The following PAPPA variants were observed in gnomAD, a reference collection of about 807,000 sequenced individuals.
The protein encoded by PAPPA is pappalysin-1.
In PAPPA, 60 loss-of-function variants were observed where a neutral mutation model predicts 164.0. The observed-to-expected ratio is 0.37, with a 90% CI of 0.30 to 0.45. The LOEUF is 0.45. PAPPA is among the 20% of genes least tolerant of loss of function. The pLI is 1.00. For synonymous variants in PAPPA, 875 were observed against 814.1 expected, an observed-to-expected ratio of 1.07 and a Z score of -1.27; for missense variants, 1,782 against 2,087.3, an observed-to-expected ratio of 0.85 and a Z score of 2.85.
chr9:116,226,275 G>GA (rs1844506502), intron 5 of PAPPA, among the ~76,000 whole-genome samples: 1 of 152,176 alleles, frequency 6.6e-6, no homozygotes, highest in Admixed American at 6.5e-5. Flanking sequence ...GAGGTTTGGG[G>GA]ATGATCTACT....
At chr9:116,238,578 A>T (rs1437937349) in intron 7 of PAPPA, among the ~76,000 whole-genome samples, 1 of 152,210 alleles carries the variant, frequency 6.6e-6, no homozygotes, top group Non-Finnish European at 1.5e-5. Flanking sequence ...ACTTTGTAAA[A>T]GTGCCACGTA....
At chr9:116,159,656 G>A (rs550187902) in intron 1 of PAPPA, among the ~76,000 whole-genome samples, 3 of 152,180 alleles carry the variant, frequency 2.0e-5, no homozygotes, top group Non-Finnish European at 4.4e-5. Flanking sequence ...TTCCCCAGGT[G>A]CTCCTCAAAC....
chr9:116,287,224 A>G (rs1444648254), intron 9 of PAPPA: 1 of 152,272 alleles, frequency 6.6e-6, no homozygotes, highest in African/African-American at 2.4e-5. Flanking sequence ...CACAATGCCC[A>G]GCATGGAGAA....
rs1376712527 is a variant in PAPPA at position 116,367,646 on chromosome 9, G to C, written c.4497G>C (p.Gly1499=). 6.2e-7 allele frequency: 1 copy of C among 1,612,732 alleles called. No homozygotes were observed. Among genetic ancestry groups the C allele is most frequent in the Admixed American group, 1.7e-5 (1 of 59,974 alleles). ...CGCCTCATGCTGTACTTCCCTCAGGGTCGGAGTGTGCCACCTCGTGCCTGG... is the reference window on the plus strand; with the variant it reads ...CGCCTCATGCTGTACTTCCCTCAGGCTCGGAGTGTGCCACCTCGTGCCTGG... ...KLQCPDGYAI[G]SECATSCLDH... is the part of the protein sequence containing the mutation. Residue 1499 remains glycine (G), a splice_region_variant and synonymous_variant, in exon 19 of 22, where the codon GGG becomes GGC. Coordinates refer to ENST00000328252, the MANE Select transcript of PAPPA (RefSeq NM_002581.5).
intron 21 of PAPPA, among the ~76,000 whole-genome samples, chr9:116,394,768 G>A (rs187532012): frequency 3.0e-4 from 45 of 152,116 alleles, no homozygotes; most frequent in Non-Finnish European, 4.7e-4. Context: ...AAAAGGGGAC[G>A]GTGGAAATGC....
At position 116,153,917 on chromosome 9, in the gene PAPPA, A is replaced by G. The variant is rs1340609890; in HGVS notation, c.-256A>G. 2 of 241,178 alleles carry G rather than the reference A, an allele frequency of 8.3e-6. No individual in the cohort carries two copies. The highest frequency in any genetic ancestry group is 1.5e-5 in the Non-Finnish European group (2 of 137,400). 14.9% of individuals were successfully genotyped at this position (241,178 alleles called of 1,614,324 possible). On this transcript the variant is annotated 5_prime_UTR_variant, in exon 1 of 22. Coordinates refer to ENST00000328252, the MANE Select transcript of PAPPA (RefSeq NM_002581.5). ...GAAGGCAACCAGCTGTTAGGGGAAAAATAAGGCAGATAAAGGAGCGGGGAG... is the reference window on the plus strand; with the variant it reads ...GAAGGCAACCAGCTGTTAGGGGAAAGATAAGGCAGATAAAGGAGCGGGGAG...
chr9:116,203,600 G>T (rs1587950287), intron 2 of PAPPA, among the ~76,000 whole-genome samples: 2 of 152,118 alleles, frequency 1.3e-5, no homozygotes, highest in East Asian at 3.9e-4. Flanking sequence ...AATAATTTTT[G>T]TTTTGCTAAC....
At chr9:116,334,712 CAG>C (rs1846037928) in intron 12 of PAPPA, 147 bp from the exon 13 acceptor site, 1 of 617,374 alleles carries the variant, frequency 1.6e-6, no homozygotes, top group African/African-American at 1.9e-5. Flanking sequence ...AACTTTCAAT[CAG>C]ACTCAAAATC....
rs80250486 is a variant in PAPPA, at chr9:116,289,182, G to A, written c.2954-13575G>A. ...TATAGCATATATATATAGCATATAT[G>A]TAGCATATATATAGCATATATATAT... On this transcript the variant is annotated intron_variant, in intron 9 of 21. Coordinates refer to ENST00000328252, the MANE Select transcript of PAPPA (RefSeq NM_002581.5). Among the ~76,000 whole-genome samples the A allele has an allele frequency of 2.1e-3, 12 of 5,660 alleles. 1 individual carries two copies. The highest frequency in any genetic ancestry group is 4.5e-3 in the Admixed American group (1 of 222). 3.7% of individuals were successfully genotyped at this position (5,660 alleles called of 152,430 possible). A position where few individuals can be genotyped will look rare whatever the true frequency, so the allele number is the denominator to read the frequency against.
At chr9:116,344,453 G>C (rs1846179864) in intron 13 of PAPPA, 90 bp from the exon 14 acceptor site, 1 of 1,330,636 alleles carries the variant, frequency 7.5e-7, no homozygotes, top group Admixed American at 2.0e-5. Flanking sequence ...CTGAAATCTT[G>C]GAGAAAGAGG....
At chr9:116,226,698 C>G (rs1425611139) in intron 5 of PAPPA, among the ~76,000 whole-genome samples, 1 of 152,124 alleles carries the variant, frequency 6.6e-6, no homozygotes, top group African/African-American at 2.4e-5. Context: ...GAGTAGGATC[C>G]CAGAGACTCT....
chr9:116,291,299 A>G (rs1228850464), intron 9 of PAPPA, among the ~76,000 whole-genome samples: 2 of 152,186 alleles, frequency 1.3e-5, no homozygotes, highest in East Asian at 1.9e-4. Context: ...TAGAAAATAA[A>G]ACAATATATA....
In PAPPA at chr9:116,237,443, G is replaced by C. The variant is rs536250010; in HGVS notation, c.2732+1806G>C. Among the ~76,000 whole-genome samples, 75 of 152,280 alleles carry C rather than the reference G, an allele frequency of 4.9e-4. 1 individual carries two copies. In the South Asian group the frequency reaches 0.015, roughly 30 times the overall value. ...AAAACAATGGAGGGAAGAAATAATAGATGTTTTAAAATCTCAGTTTAAACT... is the reference window on the plus strand; with the variant it reads ...AAAACAATGGAGGGAAGAAATAATACATGTTTTAAAATCTCAGTTTAAACT... On this transcript the variant is annotated intron_variant, in intron 7 of 21. Coordinates refer to ENST00000328252, the MANE Select transcript of PAPPA (RefSeq NM_002581.5).
At chr9:116,243,859 G>C (rs1382296950) in intron 7 of PAPPA, among the ~76,000 whole-genome samples, 2 of 152,064 alleles carry the variant, frequency 1.3e-5, no homozygotes, top group African/African-American at 4.8e-5. Flanking sequence ...CCTGAGCAGG[G>C]CCTTCTCCCA....
chr9:116,201,342 C>T (rs1266331727), intron 2 of PAPPA, among the ~76,000 whole-genome samples: 2 of 152,112 alleles, frequency 1.3e-5, no homozygotes, highest in African/African-American at 4.8e-5. Context: ...AGTAGCGGTT[C>T]ATGGACTTGA....
At chr9:116,285,044 C>A (rs910506318) in intron 9 of PAPPA, among the ~76,000 whole-genome samples, 9 of 152,058 alleles carry the variant, frequency 5.9e-5, no homozygotes, top group African/African-American at 2.2e-4. Context: ...CAGATGGCTC[C>A]ATGTTGCCCT....
At chr9:116,224,448 C>G (rs1018748529) in intron 5 of PAPPA, among the ~76,000 whole-genome samples, 7 of 152,176 alleles carry the variant, frequency 4.6e-5, no homozygotes, top group African/African-American at 1.7e-4. Flanking sequence ...TCTAGGCTTT[C>G]TCAACCAAGG....
chr9:116,288,360 T>C lies in PAPPA; in HGVS notation c.2954-14397T>C, dbSNP rs147172482. On this transcript the variant is annotated intron_variant, in intron 9 of 21. Coordinates refer to ENST00000328252, the MANE Select transcript of PAPPA (RefSeq NM_002581.5). The stretch of plus-strand genomic sequence containing the variant: ...CTCAAGCCCAGGTGACAGAGCGCAC[T>C]CAAGCCCAGGTGTCAAAAAAAGAAA... Among the ~76,000 whole-genome samples the C allele has an allele frequency of 6.9e-4, 105 of 152,022 alleles. 1 individual carries two copies. In the East Asian group the frequency reaches 0.016, roughly 23 times the overall value.
At position 116,382,504 on chromosome 9, in the gene PAPPA, G is replaced by C; in HGVS notation, c.4776+11G>C. The C allele has an allele frequency of 6.4e-7, 1 of 1,567,154 alleles. No individual in the cohort carries two copies. The highest frequency in any genetic ancestry group is 8.8e-7 in the Non-Finnish European group (1 of 1,137,152). Reference sequence around the variant, plus strand: ...GTGAAGACCAAAAAGGTAGGCCAGTGTGCACTCCTCGGCAGCTGCCTCCTG... The same window carrying C: ...GTGAAGACCAAAAAGGTAGGCCAGTCTGCACTCCTCGGCAGCTGCCTCCTG... On this transcript the variant is annotated intron_variant, in intron 21 of 21. Transcript: ENST00000328252.
Sources: gnomAD v4.1 joint callset for allele counts (sites outside exome capture counted in the v4.1 genomes callset) on GRCh38, gnomAD v4.1.1 for gene constraint, MANE v1.5 for transcripts, NCBI Gene and HGNC (gene_info 2026-07-23, HGNC 2026-07-21) for gene names.